SH2D4B: variants seen among roughly 807,000 people sequenced by gnomAD.
The protein encoded by SH2D4B is SH2 domain containing 4B.
In SH2D4B, 45 loss-of-function variants were observed where a neutral mutation model predicts 61.5. The observed-to-expected ratio is 0.73, with a 90% CI of 0.58 to 0.94. The LOEUF (loss-of-function observed/expected upper bound fraction) is 0.94. Among genes scored for constraint, SH2D4B ranks in the 40% least tolerant of loss-of-function variants. The pLI, the probability that SH2D4B is intolerant of heterozygous loss-of-function variation, is 0.00. For missense variants in SH2D4B, 572 were observed against 574.2 expected (o/e 1.00, Z 0.04); for synonymous variants, 224 against 220.4 (o/e 1.02, Z -0.14).
At chr10:80,568,274 G>T (rs1027095673) in intron 1 of SH2D4B, among the ~76,000 whole-genome samples, 2 of 152,268 alleles carry the variant, frequency 1.3e-5, no homozygotes, top group Non-Finnish European at 2.9e-5. Context: ...AAAGGGCAGG[G>T]AGCTGGAGGA....
At chr10:80,555,006 A>C (rs1206066200) in intron 1 of SH2D4B, among the ~76,000 whole-genome samples, 1 of 148,940 alleles carries the variant, frequency 6.7e-6, no homozygotes, top group African/African-American at 2.5e-5. Flanking sequence ...GAGTCTCAAA[A>C]AAAAAAAAAA....
chr10:80,555,906 G>A (rs74500319), intron 1 of SH2D4B, among the ~76,000 whole-genome samples: 3,155 of 152,296 alleles, frequency 0.021, 41 homozygotes, highest in Non-Finnish European at 0.032. Flanking sequence ...GTAAGAGAAG[G>A]AAAATCTCCC....
At chr10:80,573,054 G>A (rs1208897086) in intron 3 of SH2D4B, among the ~76,000 whole-genome samples, 1 of 114,052 alleles carries the variant, frequency 8.8e-6, no homozygotes, top group African/African-American at 3.4e-5. Flanking sequence ...GTGCGATCTC[G>A]GCTCACTGCA....
chr10:80,572,945 AATATATAT>A (rs869061750), intron 3 of SH2D4B, among the ~76,000 whole-genome samples: 213 of 20,630 alleles, frequency 0.01, 3 homozygotes, highest in East Asian at 0.039. Flanking sequence ...GTATGTTGCA[AATATATAT>A]ATATATATAT....
rs182459101 is a variant in SH2D4B at position 80,558,910 on chromosome 10, T to C, written c.185-11244T>C. Among the ~76,000 whole-genome samples the C allele has an allele frequency of 9.2e-5, 14 of 152,338 alleles. No individual in the cohort carries two copies. In the East Asian group the frequency reaches 2.7e-3, roughly 29 times the overall value. On this transcript the variant is annotated intron_variant, in intron 1 of 7. Coordinates refer to ENST00000646907, the MANE Select transcript of SH2D4B (RefSeq NM_001388272.1). ...TTTGCTGTCATATTTAAGAAACCCTTGTTTCTGAGGTCATGAAGGTCTAAC... is the reference window on the plus strand; with the variant it reads ...TTTGCTGTCATATTTAAGAAACCCTCGTTTCTGAGGTCATGAAGGTCTAAC...
chr10:80,565,258 C>T (rs1455947595), intron 1 of SH2D4B, among the ~76,000 whole-genome samples: 3 of 152,182 alleles, frequency 2.0e-5, no homozygotes, highest in Non-Finnish European at 2.9e-5. Context: ...AGTTTGCTTT[C>T]ACACTATCTA....
chr10:80,609,440 C>G lies in SH2D4B; in HGVS notation c.877C>G (p.Pro293Ala). The change falls in exon 6 of 8, where the codon CCG (proline) becomes GCG (alanine). Residue 293 changes from proline (P) to alanine (A), a missense_variant. By Grantham distance (27) the Pro-to-Ala change is conservative. Transcript: ENST00000646907. Reference protein sequence around the residue: ...ALPVSRTWERPLRPVSRDVIV... With the variant: ...ALPVSRTWERALRPVSRDVIV... Reference sequence around the variant, plus strand: ...TCTCTTCAGCAGGACCTGGGAGCGCCCGCTGCGCCCAGTCTCCAGAGATGT... The same window carrying G: ...TCTCTTCAGCAGGACCTGGGAGCGCGCGCTGCGCCCAGTCTCCAGAGATGT... 2 of 1,613,972 alleles carry G rather than the reference C, an allele frequency of 1.2e-6. No individual in the cohort carries two copies. The highest frequency in any genetic ancestry group is 1.7e-6 in the Non-Finnish European group (2 of 1,179,918).
chr10:80,587,158 T>TTTTTTTTTTTTG (rs1842267675), intron 3 of SH2D4B, among the ~76,000 whole-genome samples: 1 of 122,530 alleles, frequency 8.2e-6, no homozygotes, highest in Non-Finnish European at 1.6e-5. Flanking sequence ...TTTGTTTTTT[T>TTTTTTTTTTTTG]TTTTTTTTTT....
chr10:80,615,940 T>C (rs1842654868), intron 6 of SH2D4B, among the ~76,000 whole-genome samples: 1 of 152,194 alleles, frequency 6.6e-6, no homozygotes, highest in African/African-American at 2.4e-5. Context: ...CAATAAATGC[T>C]TTGGTTTGTT....
chr10:80,602,631 A>C (rs1589352548), intron 4 of SH2D4B, among the ~76,000 whole-genome samples: 1 of 152,254 alleles, frequency 6.6e-6, no homozygotes, highest in South Asian at 2.1e-4. Context: ...GAAACCAAGA[A>C]AGGGTTCCAG....
Position 80,644,747 on chromosome 10 carries a change from A to C in SH2D4B, c.*662A>C, listed in dbSNP as rs1380263421. 1 of 152,126 alleles carries C rather than the reference A, an allele frequency of 6.6e-6. No homozygotes were observed. The highest frequency in any genetic ancestry group is 1.5e-5 in the Non-Finnish European group (1 of 68,052). The allele number at this position is 152,126 out of a possible 1,614,324, so 9.4% of individuals were successfully genotyped here. ...TTTTGCCACTCGCCTCTATCTTTGA[A>C]TCATATTTTGGCCTTGGTTTTGCAA... On this transcript the variant is annotated 3_prime_UTR_variant, in exon 8 of 8. Coordinates refer to ENST00000646907, the MANE Select transcript of SH2D4B (RefSeq NM_001388272.1).
chr10:80,589,353 G>A (rs1289908957), intron 4 of SH2D4B, among the ~76,000 whole-genome samples: 1 of 152,152 alleles, frequency 6.6e-6, no homozygotes, highest in Non-Finnish European at 1.5e-5. Context: ...GGGCAATATA[G>A]TGAGACCCTG....
rs1564762610 is a variant in SH2D4B, at chr10:80,539,755, G to A, written c.184+1240G>A. The stretch of plus-strand genomic sequence containing the variant: ...GGGCTCAAAGGCACTGGTGTGTGAG[G>A]GCTTCCTCCACTCTATCTTCCTCCC... On this transcript the variant is annotated intron_variant, in intron 1 of 7. Transcript: ENST00000646907. The surrounding 1 kb of genome is among the most constrained non-coding windows in gnomAD (Gnocchi z 4.9). Among the ~76,000 whole-genome samples, 3 of 152,068 alleles carry A rather than the reference G, an allele frequency of 2.0e-5. No homozygotes were observed. Among genetic ancestry groups the A allele is most frequent in the African/African-American group, 4.8e-5 (2 of 41,398 alleles).
chr10:80,616,827 C>G (rs921057435), intron 6 of SH2D4B, among the ~76,000 whole-genome samples: 1 of 152,250 alleles, frequency 6.6e-6, no homozygotes, highest in African/African-American at 2.4e-5. Context: ...CAGTATTTCA[C>G]TTACTTCCCA....
At chr10:80,602,080 T>A (rs1057514819) in intron 4 of SH2D4B, among the ~76,000 whole-genome samples, 1 of 152,198 alleles carries the variant, frequency 6.6e-6, no homozygotes, top group African/African-American at 2.4e-5. Flanking sequence ...ATTTTCCAGG[T>A]CCCAGAACTC....
At chr10:80,611,076 G>T (rs1305918308) in intron 6 of SH2D4B, among the ~76,000 whole-genome samples, 1 of 149,956 alleles carries the variant, frequency 6.7e-6, no homozygotes, top group African/African-American at 2.5e-5. Flanking sequence ...TCAGGAGGCT[G>T]AGGCAGGAGA....
rs990026688 is a variant in SH2D4B at position 80,645,013 on chromosome 10, G to T, written c.*928G>T. On this transcript the variant is annotated 3_prime_UTR_variant, in exon 8 of 8. Coordinates refer to ENST00000646907, the MANE Select transcript of SH2D4B (RefSeq NM_001388272.1). ...AACTCCTCGATAACTCTCAGTGATG[G>T]TATCTGTTGGTGCATACTTGTGTTC... The T allele has an allele frequency of 1.3e-5, 2 of 152,162 alleles. No individual in the cohort carries two copies. The highest frequency in any genetic ancestry group is 6.5e-5 in the Admixed American group (1 of 15,280). 9.4% of individuals were successfully genotyped at this position (152,162 alleles called of 1,614,324 possible).
intron 4 of SH2D4B, among the ~76,000 whole-genome samples, chr10:80,592,273 T>C (rs1842338126): frequency 1.3e-5 from 2 of 152,248 alleles, no homozygotes; most frequent in African/African-American, 2.4e-5. Flanking sequence ...ATATTTTGGA[T>C]ATTAATTTCT....
At chr10:80,597,502 C>G (rs1473373325) in intron 4 of SH2D4B, among the ~76,000 whole-genome samples, 1 of 151,996 alleles carries the variant, frequency 6.6e-6, no homozygotes, top group African/African-American at 2.4e-5. Context: ...TCCATCTCTA[C>G]TAAAAATACA....
Sources: allele counts gnomAD v4.1 joint callset (sites outside exome capture counted in the v4.1 genomes callset), GRCh38; gene constraint gnomAD v4.1.1; non-coding constraint Gnocchi (gnomAD v3.1); transcripts MANE v1.5; gene names NCBI Gene and HGNC (gene_info 2026-07-23, HGNC 2026-07-21).